HMCN2: variants seen among roughly 807,000 people sequenced by gnomAD.
HMCN2 encodes hemicentin 2.
In HMCN2, 325 loss-of-function variants were observed where a neutral mutation model predicts 377.5. The ratio of observed to expected loss-of-function variants is 0.86; its 90% confidence interval spans 0.79 to 0.94. The LOEUF (loss-of-function observed/expected upper bound fraction) is 0.94. HMCN2 is among the 40% of genes least tolerant of loss of function. The pLI, the probability that HMCN2 is intolerant of heterozygous loss-of-function variation, is 0.00. For missense variants in HMCN2, 4,543 were observed against 4,725.3 expected, an observed-to-expected ratio of 0.96 and a Z score of 1.13; for synonymous variants, 2,007 against 2,046.8, an observed-to-expected ratio of 0.98 and a Z score of 0.53.
chr9:130,431,069 G>T (rs1844716934), intron 95 of HMCN2: 1 of 509,328 alleles, frequency 2.0e-6, no homozygotes, highest in Admixed American at 3.5e-5. Context: ...AGAGGAGGTG[G>T]CCTGCCCCAG....
chr9:130,321,710 T>G (rs1178032813), intron 18 of HMCN2, 77 bp from the exon 19 acceptor site: 10 of 152,158 alleles, frequency 6.6e-5, no homozygotes, highest in African/African-American at 2.2e-4. Context: ...ATGAGCAGCA[T>G]AGTTTCCCGA....
chr9:130,422,716 A>C lies in HMCN2; in HGVS notation c.13371A>C (p.Pro4457=), dbSNP rs1255927619. 1 of 1,282,150 alleles carries C rather than the reference A, an allele frequency of 7.8e-7. No homozygotes were observed. Among genetic ancestry groups the C allele is most frequent in the Non-Finnish European group, 9.9e-7 (1 of 1,005,748 alleles). 79.4% of individuals were successfully genotyped at this position (1,282,150 alleles called of 1,614,324 possible). The change falls in exon 87 of 98, where the codon CCA becomes CCC. Residue 4457 remains proline (P), a synonymous_variant. Coordinates refer to ENST00000683500, the MANE Select transcript of HMCN2 (RefSeq NM_001291815.2). This position sits in a 1 kb window ranked among gnomAD's most constrained non-coding sequence, Gnocchi z 4.2. ...TCCACAGCAGCATCCGCCATGTCCC[A>C]GCAAACGTGGGTGAGTGGAAGGCAG... ...SSIHSSIRHV[P]ANVGPLMRVL...
chr9:130,373,707 A>AGATGGATGGATG (rs942219791), intron 48 of HMCN2, among the ~76,000 whole-genome samples: 20,954 of 115,420 alleles, frequency 0.18, 4,733 homozygotes, highest in Non-Finnish European at 0.25. Context: ...ATGGATAGGT[A>AGATGGATGGATG]GATGGATGGA....
intron 1 of HMCN2, among the ~76,000 whole-genome samples, chr9:130,270,304 T>A (rs1178196952): frequency 0.01 from 1,197 of 118,790 alleles, 137 homozygotes; most frequent in Non-Finnish European, 0.014. Flanking sequence ...TGTTTTTTTT[T>A]TTCCCTATCA....
At chr9:130,342,518 G>A (rs1839112330) in intron 25 of HMCN2, 82 bp downstream of exon 25, 1 of 152,218 alleles carries the variant, frequency 6.6e-6, no homozygotes, top group Non-Finnish European at 1.5e-5. Flanking sequence ...CAGTGCCCTG[G>A]GTTGCACGTG....
In HMCN2 at chr9:130,369,844, C is replaced by T. The variant is rs779725539; in HGVS notation, c.7062C>T (p.Ser2354=). The change falls in exon 45 of 98, where the codon TCC becomes TCT. Residue 2354 remains serine (S), a synonymous_variant. Transcript: ENST00000683500. The surrounding 1 kb of genome is among the most constrained non-coding windows in gnomAD (Gnocchi z 4.5). The part of the protein sequence containing the change: ...AGRAERKFEL[S]VLVPPELIGD... ...GGGCAGAGAGGAAGTTTGAGCTCTC[C>T]GTACTGGGTGAGGACCGGCAGCTGC... is the stretch of plus-strand genomic sequence containing the variant. The T allele has an allele frequency of 2.0e-4, 195 of 986,124 alleles. No individual in the cohort carries two copies. Among genetic ancestry groups the T allele is most frequent in the Middle Eastern group, 1.6e-3 (3 of 1,914 alleles). 61.1% of individuals were successfully genotyped at this position (986,124 alleles called of 1,614,324 possible).
At chr9:130,432,617 G>T (rs1038523697) in intron 97 of HMCN2, 62 bp downstream of exon 97, 9 of 1,501,684 alleles carry the variant, frequency 6.0e-6, no homozygotes, top group Non-Finnish European at 7.2e-6. Flanking sequence ...AGTCACTGGG[G>T]GTGCAGGCTG....
At chr9:130,382,523 C>G (rs561454315) in intron 55 of HMCN2, among the ~76,000 whole-genome samples, 156 bp from the exon 56 acceptor site, 18 of 152,282 alleles carry the variant, frequency 1.2e-4, no homozygotes, top group African/African-American at 4.1e-4. Context: ...TCTGTGCCCC[C>G]GATTCCTTAG....
At chr9:130,392,375 C>T (rs561462637) in intron 66 of HMCN2, among the ~76,000 whole-genome samples, 33 of 152,264 alleles carry the variant, frequency 2.2e-4, no homozygotes, top group Admixed American at 5.9e-4. Flanking sequence ...CCACAGGAGA[C>T]GAGGCCTGAG....
rs1031019202 is a variant in HMCN2 at position 130,344,172 on chromosome 9, C to T, written c.3829+1736C>T. On this transcript the variant is annotated intron_variant, in intron 25 of 97. Coordinates refer to ENST00000683500, the MANE Select transcript of HMCN2 (RefSeq NM_001291815.2). ...CCATCACCCCTCCCGACCTGCAGCTCGGAAGGCCTGGCCCCCGGCGTGGCG... is the reference window on the plus strand; with the variant it reads ...CCATCACCCCTCCCGACCTGCAGCTTGGAAGGCCTGGCCCCCGGCGTGGCG... Among the ~76,000 whole-genome samples the T allele has an allele frequency of 2.0e-5, 3 of 152,310 alleles. No individual in the cohort carries two copies. In the East Asian group the frequency reaches 5.8e-4, roughly 29 times the overall value.
rs1839477422 is a variant in HMCN2 at position 130,347,991 on chromosome 9, T to C, written c.4025-554T>C. The C allele has an allele frequency of 1.0e-6, 1 of 985,186 alleles. No homozygotes were observed. Among genetic ancestry groups the C allele is most frequent in the South Asian group, 4.7e-5 (1 of 21,284 alleles). The allele number at this position is 985,186 out of a possible 1,614,324, so 61.0% of individuals were successfully genotyped here. A position where few individuals can be genotyped will look rare whatever the true frequency, so the allele number is the denominator to read the frequency against. On this transcript the variant is annotated intron_variant, in intron 26 of 97. Coordinates refer to ENST00000683500, the MANE Select transcript of HMCN2 (RefSeq NM_001291815.2). This position sits in a 1 kb window ranked among gnomAD's most constrained non-coding sequence, Gnocchi z 5.1. ...AGCAGGGAGAGCGCCCACCCCCACA[T>C]CCAGGGTGCTATGTGCAGAGGAAAG...
chr9:130,432,560 G>A lies in HMCN2; in HGVS notation c.14894+5G>A. On this transcript the variant is annotated splice_donor_5th_base_variant and intron_variant, in intron 97 of 97. Transcript: ENST00000683500. ...CCGGCAGGGCCCCAGCCCTGGGTAA[G>A]GGCTGAGTTGGCAGGGCCTCGTGCC... The A allele has an allele frequency of 6.5e-7, 1 of 1,549,452 alleles. No homozygotes were observed. Among genetic ancestry groups the A allele is most frequent in the Non-Finnish European group, 8.7e-7 (1 of 1,146,206 alleles).
rs1007028765 is a variant in HMCN2 at position 130,353,134 on chromosome 9, C to T, written c.4793C>T (p.Ala1598Val). 1 of 1,304,108 alleles carries T rather than the reference C, an allele frequency of 7.7e-7. No individual in the cohort carries two copies. The highest frequency in any genetic ancestry group is 1.0e-6 in the Non-Finnish European group (1 of 988,944). The allele number at this position is 1,304,108 out of a possible 1,614,324, so 80.8% of individuals were successfully genotyped here. The change falls in exon 31 of 98, where the codon GCC (alanine) becomes GTC (valine). Residue 1598 changes from alanine (A) to valine (V), a missense_variant. Physicochemically the swap from Ala to Val is moderately conservative, Grantham distance 64 (BLOSUM62 0). Transcript: ENST00000683500. The stretch of plus-strand genomic sequence containing the variant: ...CTGGGGAGGGCCCAGAGCTCCGATG[C>T]CGGCGTCTACACCTGCAAGGCCAGC... Reference protein sequence around the residue: ...LQLGRAQSSDAGVYTCKASNA... With the variant: ...LQLGRAQSSDVGVYTCKASNA...
intron 46 of HMCN2, among the ~76,000 whole-genome samples, chr9:130,371,854 C>G (rs1044908708): frequency 6.6e-6 from 1 of 152,164 alleles, no homozygotes; most frequent in African/African-American, 2.4e-5. Flanking sequence ...ATGTATCTGC[C>G]CTCCACACAC....
In HMCN2 at chr9:130,418,973, G is replaced by T. The variant is rs377038141; in HGVS notation, c.13163G>T (p.Gly4388Val). The change falls in exon 86 of 98, where the codon GGC (glycine) becomes GTC (valine). Residue 4388 changes from glycine (G) to valine (V), a missense_variant. Around this residue, in one of 5 missense-constraint regions of HMCN2, gnomAD observed 1,155 missense variants for 1,157.7 expected, o/e 1.00. Coordinates refer to ENST00000683500, the MANE Select transcript of HMCN2 (RefSeq NM_001291815.2). ...GAGAACGTGGAGACTGGGGATGCAG[G>T]CACCTACGACTGCGTCGCTCACAAC... ...WLENVETGDA[G>V]TYDCVAHNLL... The T allele has an allele frequency of 2.6e-6, 4 of 1,525,640 alleles. No individual in the cohort carries two copies. The highest frequency in any genetic ancestry group is 3.5e-6 in the Non-Finnish European group (4 of 1,133,676). The allele number at this position is 1,525,640 out of a possible 1,614,324, so 94.5% of individuals were successfully genotyped here.
intron 1 of HMCN2, among the ~76,000 whole-genome samples, chr9:130,282,176 G>C (rs1458357875): frequency 1.3e-5 from 2 of 152,186 alleles, no homozygotes; most frequent in Non-Finnish European, 2.9e-5. Context: ...GAGAACACCC[G>C]CTGGAGCCTG....
At chr9:130,403,696 C>T (rs1842960251) in intron 79 of HMCN2, 45 bp from the exon 80 acceptor site, 3 of 1,282,966 alleles carry the variant, frequency 2.3e-6, no homozygotes, top group South Asian at 2.5e-5. Flanking sequence ...TCGGGGGTCC[C>T]CAGTCCCAGT....
intron 85 of HMCN2, among the ~76,000 whole-genome samples, chr9:130,416,100 A>ATTTTTT (rs34382467): frequency 2.3e-5 from 3 of 130,732 alleles, no homozygotes; most frequent in South Asian, 2.4e-4. Context: ...TAGAGGCTTT[A>ATTTTTT]TTTTTTTTTT....
At chr9:130,375,818 T>C (rs906870183) in intron 50 of HMCN2, 58 bp from the exon 51 acceptor site, 18 of 982,540 alleles carry the variant, frequency 1.8e-5, no homozygotes, top group Non-Finnish European at 2.1e-5. Flanking sequence ...GAGCCTGTCC[T>C]CATGCCTGGC....
Sources: gnomAD v4.1 joint callset for allele counts (sites outside exome capture counted in the v4.1 genomes callset) on GRCh38, gnomAD v4.1.1 for gene constraint, gnomAD v4.1.1 regional missense constraint, Gnocchi (gnomAD v3.1) non-coding constraint, MANE v1.5 for transcripts, NCBI Gene and HGNC (gene_info 2026-07-23, HGNC 2026-07-21) for gene names.